The following PRKCZ variants were observed in gnomAD, a reference collection of about 807,000 sequenced individuals.
The protein encoded by PRKCZ is protein kinase C zeta, also known as protein kinase C zeta type.
A neutral mutation model predicts 79.5 loss-of-function variants in PRKCZ; 33 were observed. That is an observed-to-expected ratio of 0.41 (90% CI 0.31 to 0.55). PRKCZ has a LOEUF of 0.55. Among genes scored for constraint, PRKCZ ranks in the 20% least tolerant of loss-of-function variants. The pLI is 0.19. For missense variants in PRKCZ, 578 were observed against 813.5 expected, an observed-to-expected ratio of 0.71 and a Z score of 3.52; for synonymous variants, 342 against 320.9, an observed-to-expected ratio of 1.07 and a Z score of -0.70.
At chr1:2,053,439 A>G (rs960899913) in intron 1 of PRKCZ, among the ~76,000 whole-genome samples, 1 of 152,192 alleles carries the variant, frequency 6.6e-6, no homozygotes. Context: ...TTCTGTGTGC[A>G]AAGCCCAGGG....
In PRKCZ at chr1:2,174,605, G is replaced by T; in HGVS notation, c.1406-149G>T. ...CAGGGAGGACCCGGCGGGACTCCGG[G>T]TTATAGATATTGCTGGGCTGTAGGA... is the stretch of plus-strand genomic sequence containing the variant. On this transcript the variant is annotated intron_variant, in intron 14 of 17. Coordinates refer to ENST00000378567, the MANE Select transcript of PRKCZ (RefSeq NM_002744.6). This position sits in a 1 kb window ranked among gnomAD's most constrained non-coding sequence, Gnocchi z 6.2. The T allele has an allele frequency of 1.5e-5, 11 of 730,614 alleles. No individual in the cohort carries two copies. The highest frequency in any genetic ancestry group is 2.5e-5 in the Non-Finnish European group (11 of 436,360). 45.3% of individuals were successfully genotyped at this position (730,614 alleles called of 1,614,324 possible). A position where few individuals can be genotyped will look rare whatever the true frequency, so the allele number is the denominator to read the frequency against.
Position 2,082,579 on chromosome 1 carries a change from C to A in PRKCZ, c.334+22988C>A. 2.6e-6 allele frequency: 1 copy of A among 377,656 alleles called. No homozygotes were observed. The highest frequency in any genetic ancestry group is 5.2e-6 in the Non-Finnish European group (1 of 191,060). The allele number at this position is 377,656 out of a possible 1,614,324, so 23.4% of individuals were successfully genotyped here. On this transcript the variant is annotated intron_variant, in intron 4 of 17. Transcript: ENST00000378567. The surrounding 1 kb of genome is among the most constrained non-coding windows in gnomAD (Gnocchi z 4.4). The stretch of plus-strand genomic sequence containing the variant: ...TGGGATTTGTCACTCAGTCGATTTC[C>A]CTGGTGTAAATGCTCCCACCACGGC...
intron 16 of PRKCZ, among the ~76,000 whole-genome samples, chr1:2,176,195 T>TGATGAG (rs1386250496): frequency 6.6e-6 from 1 of 152,012 alleles, no homozygotes; most frequent in Non-Finnish European, 1.5e-5. Context: ...TACTCTCCTG[T>TGATGAG]GATGAGGGGC....
At position 2,055,416 on chromosome 1, in the gene PRKCZ, G is replaced by C; in HGVS notation, c.72-25G>C. The C allele has an allele frequency of 2.5e-6, 4 of 1,577,878 alleles. No homozygotes were observed. In the South Asian group the frequency reaches 4.6e-5, roughly 18 times the overall value. On this transcript the variant is annotated intron_variant, in intron 1 of 17. Transcript: ENST00000378567. ...GATTCAAATATGCCCCACGGTAACA[G>C]ATGCCCATGTCCCCTCTGCCCCAGG...
intron 5 of PRKCZ, chr1:2,143,566 C>T (rs1164713729): frequency 6.6e-6 from 1 of 152,198 alleles, no homozygotes; most frequent in Non-Finnish European, 1.5e-5. Context: ...ATTCTCATGC[C>T]TTTTGTAACA....
rs530359307 is a variant in PRKCZ at position 2,178,776 on chromosome 1, G to C, written c.1575+3463G>C. ...TCAGCTCCATGTGGGAGTGGGGCAC[G>C]TGTGAGGCCTTGGTCCCCACCTGTG... On this transcript the variant is annotated intron_variant, in intron 16 of 17. Transcript: ENST00000378567. The surrounding 1 kb of genome is among the most constrained non-coding windows in gnomAD (Gnocchi z 4.3). Among the ~76,000 whole-genome samples the C allele has an allele frequency of 1.2e-3, 188 of 152,310 alleles. 1 individual carries two copies. The highest frequency in any genetic ancestry group is 6.4e-3 in the South Asian group (31 of 4,822).
At chr1:2,086,179 A>G (rs1002423465) in intron 4 of PRKCZ, among the ~76,000 whole-genome samples, 2 of 151,062 alleles carry the variant, frequency 1.3e-5, no homozygotes, top group Non-Finnish European at 2.9e-5. Flanking sequence ...CTCCCACCTC[A>G]GCCTCCCAAG....
At chr1:2,108,389 C>T (rs1669020196) in intron 4 of PRKCZ, among the ~76,000 whole-genome samples, 1 of 152,226 alleles carries the variant, frequency 6.6e-6, no homozygotes, top group African/African-American at 2.4e-5. Flanking sequence ...TCCTGGAGGC[C>T]AGGCCACGTC....
chr1:2,048,507 C>A (rs1253567691), upstream of PRKCZ, among the ~76,000 whole-genome samples: 4 of 152,140 alleles, frequency 2.6e-5, no homozygotes, highest in African/African-American at 9.7e-5. Flanking sequence ...AGGGAGTGGC[C>A]GTGCAAAGAC....
chr1:2,088,779 C>T (rs1047600983), intron 4 of PRKCZ, among the ~76,000 whole-genome samples: 1 of 152,100 alleles, frequency 6.6e-6, no homozygotes, highest in African/African-American at 2.4e-5. Context: ...TGGGGCTCAG[C>T]GCAACATAGC....
At chr1:2,157,943 A>C (rs1185902369) in intron 10 of PRKCZ, among the ~76,000 whole-genome samples, 1 of 152,198 alleles carries the variant, frequency 6.6e-6, no homozygotes, top group East Asian at 1.9e-4. Context: ...TCCTAAGCAC[A>C]GCGGTCCTAG....
intron 4 of PRKCZ, chr1:2,104,974 C>G: frequency 1.0e-6 from 1 of 961,718 alleles, no homozygotes; most frequent in Non-Finnish European, 1.2e-6. Context: ...GGCCTCACCC[C>G]GACAGCCACC....
chr1:2,085,215 C>T (rs766965978), intron 4 of PRKCZ, among the ~76,000 whole-genome samples: 3 of 152,200 alleles, frequency 2.0e-5, no homozygotes, highest in Non-Finnish European at 4.4e-5. Context: ...CTGTACGGCT[C>T]TCTGAAACTT....
rs538227589 is a variant in PRKCZ at position 2,165,499 on chromosome 1, A to G, written c.975-4019A>G. The stretch of plus-strand genomic sequence containing the variant: ...TGGTGATGGGGTCAAGTGCGTTAAC[A>G]CAGAGGGACTTGGAGACTGACGCTT... On this transcript the variant is annotated intron_variant, in intron 10 of 17. Coordinates refer to ENST00000378567, the MANE Select transcript of PRKCZ (RefSeq NM_002744.6). This position sits in a 1 kb window ranked among gnomAD's most constrained non-coding sequence, Gnocchi z 4.1. 3.9e-5 allele frequency among the ~76,000 whole-genome samples: 6 copies of G among 152,348 alleles called. No homozygotes were observed. Among genetic ancestry groups the G allele is most frequent in the African/African-American group, 1.2e-4 (5 of 41,582 alleles).
intron 16 of PRKCZ, among the ~76,000 whole-genome samples, chr1:2,175,810 G>A (rs916852612): frequency 2.0e-5 from 3 of 152,054 alleles, no homozygotes; most frequent in Non-Finnish European, 4.4e-5. Context: ...GGACGAGCTC[G>A]GCCCATGGCG....
chr1:2,119,841 C>T (rs1671504318), intron 4 of PRKCZ, among the ~76,000 whole-genome samples: 1 of 145,746 alleles, frequency 6.9e-6, no homozygotes, highest in African/African-American at 2.6e-5. Context: ...GGCTGGAGTG[C>T]AGTGGTGTGA....
At chr1:2,147,665 C>T (rs1042820607) in intron 7 of PRKCZ, among the ~76,000 whole-genome samples, 2 of 148,910 alleles carry the variant, frequency 1.3e-5, no homozygotes, top group Admixed American at 6.7e-5. Flanking sequence ...TGTCCACTGA[C>T]GTCTCCATCT....
chr1:2,126,461 C>T (rs541815589), intron 4 of PRKCZ, among the ~76,000 whole-genome samples: 2 of 152,234 alleles, frequency 1.3e-5, no homozygotes, highest in East Asian at 3.9e-4. Flanking sequence ...CTGTCTCCCC[C>T]CAGCCGCCTT....
At chr1:2,161,387 T>C (rs991885963) in intron 10 of PRKCZ, among the ~76,000 whole-genome samples, 1 of 152,248 alleles carries the variant, frequency 6.6e-6, no homozygotes, top group Non-Finnish European at 1.5e-5. Flanking sequence ...GTTTGCCTTT[T>C]GCATTGCGAG....
Sources: gnomAD v4.1 joint callset for allele counts (sites outside exome capture counted in the v4.1 genomes callset) on GRCh38, gnomAD v4.1.1 for gene constraint, Gnocchi (gnomAD v3.1) non-coding constraint, MANE v1.5 for transcripts, NCBI Gene and HGNC (gene_info 2026-07-23, HGNC 2026-07-21) for gene names.